SPG11: variants seen among roughly 807,000 people sequenced by gnomAD.
SPG11 encodes the protein spatacsin.
In SPG11, 222 loss-of-function variants were observed where a neutral mutation model predicts 274.0. The observed-to-expected ratio is 0.81, with a 90% CI of 0.73 to 0.91. The LOEUF is 0.91. SPG11 is among the 40% of genes least tolerant of loss of function. SPG11 has a pLI of 0.00. For synonymous variants in SPG11, 1,144 were observed against 1,039.7 expected, an observed-to-expected ratio of 1.10 and a Z score of -1.93; for missense variants, 3,114 against 2,872.7, an observed-to-expected ratio of 1.08 and a Z score of -1.92.
intron 30 of SPG11, among the ~76,000 whole-genome samples, chr15:44,578,965 GGC>G (rs904701583): frequency 3.3e-5 from 5 of 152,066 alleles, no homozygotes; most frequent in Non-Finnish European, 7.4e-5. Context: ...AGACCAGCCT[GGC>G]CAACATGGCG....
intron 15 of SPG11, among the ~76,000 whole-genome samples, chr15:44,617,592 G>C (rs532548192): frequency 6.6e-6 from 1 of 152,186 alleles, no homozygotes; most frequent in Non-Finnish European, 1.5e-5. Flanking sequence ...CCAATACTCT[G>C]TCTTAACTGC....
intron 30 of SPG11, among the ~76,000 whole-genome samples, chr15:44,578,283 G>A (rs1425808573): frequency 1.3e-5 from 2 of 150,318 alleles, no homozygotes; most frequent in Non-Finnish European, 3.0e-5. Context: ...CGCCCACCTC[G>A]GCCTCCCAAA....
rs768718170 is a variant in SPG11 at position 44,598,373 on chromosome 15, G to C, written c.3893C>G (p.Ala1298Gly). Residue 1298 changes from alanine (A) to glycine (G), a missense_variant and splice_region_variant, in exon 23 of 40, where the codon GCC becomes GGC. Transcript: ENST00000261866. ...ATCAGCTAGTTTAGATAGTTTTTCG[G>C]CTGTAAGAAATATAAACAACAAAAT... ...AQYSFIRESV[A>G]EKLSKLADGE... 1.2e-6 allele frequency: 2 copies of C among 1,612,924 alleles called. No individual in the cohort carries two copies. Among genetic ancestry groups the C allele is most frequent in the East Asian group, 2.2e-5 (1 of 44,874 alleles).
intron 18 of SPG11, among the ~76,000 whole-genome samples, chr15:44,610,563 A>T (rs1026459343): frequency 6.6e-6 from 1 of 150,930 alleles, no homozygotes; most frequent in Non-Finnish European, 1.5e-5. Context: ...TTTTTAGTAC[A>T]GATGGTGTTT....
In SPG11 at chr15:44,584,538, G is replaced by A; in HGVS notation, c.5142C>T (p.Thr1714=). ...VIKEITQEMQ[T]LKHIEQWSLK... ...GTGACCACTGTTCAATGTGTTTTAG[G>A]GTCTGCATTTCCTGTGTTATCTGTG... The change falls in exon 30 of 40, where the codon ACC becomes ACT. Residue 1714 remains threonine, a synonymous_variant. Transcript: ENST00000261866. The A allele has an allele frequency of 1.2e-6, 2 of 1,611,144 alleles. No individual in the cohort carries two copies. The highest frequency in any genetic ancestry group is 1.7e-6 in the Non-Finnish European group (2 of 1,179,994).
At chr15:44,663,243 C>T (rs1250279191) in intron 1 of SPG11, 148 bp downstream of exon 1, 1 of 1,089,038 alleles carries the variant, frequency 9.2e-7, no homozygotes, top group African/African-American at 1.6e-5. Context: ...GGAAACCACG[C>T]TCGCCTCTGG....
chr15:44,650,994 C>T (rs2084757444), intron 6 of SPG11, among the ~76,000 whole-genome samples: 2 of 152,188 alleles, frequency 1.3e-5, no homozygotes, highest in African/African-American at 4.8e-5. Context: ...GTTATCCATC[C>T]ACCTCAGCCT....
Position 44,663,620 on chromosome 15 carries a change from C to A in SPG11, c.28G>T (p.Ala10Ser). The change falls in exon 1 of 40, where the codon GCT (alanine) becomes TCT (serine). Residue 10 changes from alanine to serine, a missense_variant. Coordinates refer to ENST00000261866, the MANE Select transcript of SPG11 (RefSeq NM_025137.4). Reference sequence around the variant, plus strand: ...CCCCAGCTACCGCCGGCGGAAGCAGCACTCGCGACCCCTTCCTCTGCAGCC... The same window carrying A: ...CCCCAGCTACCGCCGGCGGAAGCAGAACTCGCGACCCCTTCCTCTGCAGCC... MAAEEGVASAASAGGSWGTA... is the reference protein window; with the variant it reads MAAEEGVASSASAGGSWGTA... 4 of 1,595,942 alleles carry A rather than the reference C, an allele frequency of 2.5e-6. No individual in the cohort carries two copies. Among genetic ancestry groups the A allele is most frequent in the Non-Finnish European group, 2.6e-6 (3 of 1,176,082 alleles).
intron 7 of SPG11, among the ~76,000 whole-genome samples, chr15:44,648,409 A>G (rs1370616514): frequency 6.7e-6 from 1 of 148,944 alleles, no homozygotes; most frequent in Admixed American, 6.7e-5. Context: ...CCTACTGGGG[A>G]GGCTGAGGTG....
At chr15:44,582,664 G>A (rs1473148854) in intron 30 of SPG11, among the ~76,000 whole-genome samples, 4 of 151,364 alleles carry the variant, frequency 2.6e-5, no homozygotes, top group Non-Finnish European at 4.4e-5. Context: ...AAAGAATAAC[G>A]CACCAGGCCC....
intron 17 of SPG11, among the ~76,000 whole-genome samples, chr15:44,613,092 C>A (rs912744693): frequency 6.6e-6 from 1 of 152,146 alleles, no homozygotes; most frequent in Non-Finnish European, 1.5e-5. Flanking sequence ...GGAAGACAGA[C>A]CACTTCTTCA....
At chr15:44,601,283 C>T (rs2083181699) in intron 20 of SPG11, among the ~76,000 whole-genome samples, 1 of 150,668 alleles carries the variant, frequency 6.6e-6, no homozygotes, top group African/African-American at 2.5e-5. Flanking sequence ...TTTTTTAAGA[C>T]AGGGTCTGGC....
intron 19 of SPG11, 97 bp from the exon 20 acceptor site, chr15:44,606,188 C>T: frequency 9.4e-7 from 1 of 1,063,766 alleles, no homozygotes; most frequent in Non-Finnish European, 1.4e-6. Context: ...AGTCTGCTCC[C>T]CTTTTCCAAG....
chr15:44,654,504 T>C (rs886352580), intron 4 of SPG11, among the ~76,000 whole-genome samples: 4 of 147,598 alleles, frequency 2.7e-5, no homozygotes, highest in South Asian at 2.1e-4. Context: ...CAAGACTCCA[T>C]CTCAAAATTA....
At position 44,596,913 on chromosome 15, in the gene SPG11, T is replaced by A; in HGVS notation, c.4032A>T (p.Ala1344=). The A allele has an allele frequency of 2.5e-6, 4 of 1,614,010 alleles. No individual in the cohort carries two copies. The highest frequency in any genetic ancestry group is 3.4e-6 in the Non-Finnish European group (4 of 1,179,998). The change falls in exon 24 of 40, where the codon GCA becomes GCT. Residue 1344 remains alanine (A), a synonymous_variant. Transcript: ENST00000261866. Reference sequence around the variant, plus strand: ...GTAGCCTGCAGAACTGCACCACTAATGCCCATTGGCTGCTAGATTCACTGG... The same window carrying A: ...GTAGCCTGCAGAACTGCACCACTAAAGCCCATTGGCTGCTAGATTCACTGG... The part of the protein sequence containing the change: ...RLSSESSSQW[A]LVVQFCRLHN...
chr15:44,600,707 CTAA>C, intron 20 of SPG11, 75 bp from the exon 21 acceptor site: 1 of 1,475,220 alleles, frequency 6.8e-7, no homozygotes, highest in Non-Finnish European at 9.4e-7. Context: ...ATGGAACTCT[CTAA>C]TGATAAAACT....
intron 26 of SPG11, among the ~76,000 whole-genome samples, chr15:44,593,313 T>C (rs1181978277): frequency 1.3e-5 from 2 of 152,058 alleles, no homozygotes; most frequent in Non-Finnish European, 2.9e-5. Context: ...CACCTCAGCT[T>C]CTAGAGTAGC....
chr15:44,609,195 G>A (rs1261485423), intron 18 of SPG11, among the ~76,000 whole-genome samples: 4 of 152,016 alleles, frequency 2.6e-5, no homozygotes, highest in East Asian at 3.9e-4. Flanking sequence ...GCAATGGCGC[G>A]ATCTCGGCTC....
At chr15:44,578,190 ATT>A (rs564990735) in intron 30 of SPG11, among the ~76,000 whole-genome samples, 2,584 of 127,780 alleles carry the variant, frequency 0.02, 90 homozygotes, top group African/African-American at 0.07. Flanking sequence ...ACGCGTGGCT[ATT>A]TTTTTTTTTT....
Sources: allele counts gnomAD v4.1 joint callset (sites outside exome capture counted in the v4.1 genomes callset), GRCh38; gene constraint gnomAD v4.1.1; transcripts MANE v1.5; gene names NCBI Gene and HGNC (gene_info 2026-07-23, HGNC 2026-07-21).